RGS5: variants seen among roughly 807,000 people sequenced by gnomAD.
The protein encoded by RGS5 is regulator of G protein signaling 5.
RGS5 carries 20 observed loss-of-function variants against 18.9 expected under a neutral mutation model. That is an observed-to-expected ratio of 1.06 (90% CI 0.74 to 1.54). RGS5 has a LOEUF of 1.54. Among genes scored for constraint, RGS5 ranks in the 40% most tolerant of loss-of-function variants. RGS5 has a pLI of 0.00. For missense variants in RGS5, 201 were observed against 211.8 expected, an observed-to-expected ratio of 0.95 and a Z score of 0.32; for synonymous variants, 57 against 76.2, an observed-to-expected ratio of 0.75 and a Z score of 1.31.
At chr1:163,233,657 T>G (rs1007552426) in intron 2 of RGS5, among the ~76,000 whole-genome samples, 9 of 152,248 alleles carry the variant, frequency 5.9e-5, no homozygotes, top group African/African-American at 2.2e-4. Flanking sequence ...TTAGTTCTTA[T>G]AGGTTTGGGA....
chr1:163,210,675 A>G (rs1660083445), intron 1 of RGS5: 1 of 152,266 alleles, frequency 6.6e-6, no homozygotes, highest in South Asian at 2.1e-4. Context: ...AAAAGTGTTT[A>G]TAACAGTGCC....
intron 2 of RGS5, among the ~76,000 whole-genome samples, chr1:163,287,245 A>C (rs147764157): frequency 2.2e-4 from 33 of 152,242 alleles, no homozygotes; most frequent in Middle Eastern, 3.4e-3. Context: ...CAGTTTCTCT[A>C]TGTAGAATGC....
chr1:163,290,042 C>T (rs1192811077), intron 2 of RGS5, among the ~76,000 whole-genome samples: 1 of 150,970 alleles, frequency 6.6e-6, no homozygotes, highest in Admixed American at 6.6e-5. Context: ...AAGCAGGCAA[C>T]ATGAGACCCC....
intron 1 of RGS5, among the ~76,000 whole-genome samples, chr1:163,313,686 C>A (rs1484711622): frequency 6.6e-6 from 1 of 152,168 alleles, no homozygotes; most frequent in Non-Finnish European, 1.5e-5. Context: ...AACTGAGGAA[C>A]CCTTCATAGG....
At chr1:163,294,081 G>C (rs949443857) in intron 2 of RGS5, among the ~76,000 whole-genome samples, 1 of 152,334 alleles carries the variant, frequency 6.6e-6, no homozygotes, top group East Asian at 1.9e-4. Context: ...TACAGGGCAA[G>C]ATGTCAGTGG....
chr1:163,249,848 G>T (rs1648060513), intron 2 of RGS5, among the ~76,000 whole-genome samples: 1 of 152,116 alleles, frequency 6.6e-6, no homozygotes, highest in Non-Finnish European at 1.5e-5. Context: ...TGGGGAAGAT[G>T]GTAATTGCAA....
chr1:163,258,512 TAA>T (rs1648337759), intron 2 of RGS5, among the ~76,000 whole-genome samples: 1 of 152,340 alleles, frequency 6.6e-6, no homozygotes, highest in African/African-American at 2.4e-5. Context: ...AAAAATCTGC[TAA>T]AAAGTTTCTC....
At chr1:163,222,817 T>A (rs907527518) in intron 2 of RGS5, among the ~76,000 whole-genome samples, 1 of 152,104 alleles carries the variant, frequency 6.6e-6, no homozygotes, top group African/African-American at 2.4e-5. Context: ...TTTCCTGTTA[T>A]GTAAAGCAAA....
chr1:163,228,875 C>T (rs1192068610), intron 2 of RGS5, among the ~76,000 whole-genome samples: 11 of 152,198 alleles, frequency 7.2e-5, no homozygotes, highest in East Asian at 1.9e-4. Flanking sequence ...CCTTTGCCCC[C>T]GTTCCCAAGA....
chr1:163,252,723 G>C (rs1269855878), intron 2 of RGS5, among the ~76,000 whole-genome samples: 2 of 152,022 alleles, frequency 1.3e-5, no homozygotes, highest in East Asian at 1.9e-4. Context: ...GGGCTTTCTG[G>C]GGACAAATGT....
At chr1:163,321,042 C>G (rs1416941383) in intron 1 of RGS5, among the ~76,000 whole-genome samples, 1 of 152,156 alleles carries the variant, frequency 6.6e-6, no homozygotes, top group Non-Finnish European at 1.5e-5. Context: ...ACCAGGCCTG[C>G]CATGGCTTCC....
intron 1 of RGS5, among the ~76,000 whole-genome samples, chr1:163,176,641 A>G (rs944704507): frequency 6.6e-6 from 1 of 151,856 alleles, no homozygotes; most frequent in Non-Finnish European, 1.5e-5. Flanking sequence ...AAAGAAAAGA[A>G]AAAAAGAAAA....
At chr1:163,293,008 G>A (rs1412836302) in intron 2 of RGS5, among the ~76,000 whole-genome samples, 1 of 149,252 alleles carries the variant, frequency 6.7e-6, no homozygotes, top group African/African-American at 2.4e-5. Context: ...CTGTGCAGAA[G>A]CTCTTTAGTT....
At chr1:163,195,089 T>C (rs1370011849) in intron 1 of RGS5, among the ~76,000 whole-genome samples, 1 of 152,150 alleles carries the variant, frequency 6.6e-6, no homozygotes, top group Non-Finnish European at 1.5e-5. Context: ...CAATCCAGTG[T>C]CTGCCCAAAG....
At chr1:163,285,448 G>A (rs1040210502) in intron 2 of RGS5, among the ~76,000 whole-genome samples, 6 of 151,966 alleles carry the variant, frequency 3.9e-5, no homozygotes, top group African/African-American at 7.3e-5. Flanking sequence ...CCAGCTACTC[G>A]GGAGGCTGAG....
chr1:163,147,633 T>A, intron 4 of RGS5, 130 bp from the exon 5 acceptor site: 1 of 809,242 alleles, frequency 1.2e-6, no homozygotes, highest in Non-Finnish European at 1.8e-6. Context: ...CTGAGACATG[T>A]CACTTCTCAC....
At chr1:163,266,239 C>G (rs1214781021) in intron 2 of RGS5, among the ~76,000 whole-genome samples, 1 of 152,156 alleles carries the variant, frequency 6.6e-6, no homozygotes, top group East Asian at 1.9e-4. Flanking sequence ...CTTATCCCCT[C>G]TCACATTCAC....
chr1:163,250,426 G>C lies in RGS5; in HGVS notation c.-281+55807C>G, dbSNP rs577741215. 3.3e-5 allele frequency among the ~76,000 whole-genome samples: 5 copies of C among 152,316 alleles called. No homozygotes were observed. In the South Asian group the frequency reaches 1.0e-3, roughly 32 times the overall value. ...TTCCCACAGCAAAATTATGAGACGT[G>C]AAGGTGATGTGGTGATTATGGCATT... On this transcript the variant is annotated intron_variant, in intron 2 of 5. Transcript: ENST00000618415.
At chr1:163,234,278 A>G (rs1222578306) in intron 2 of RGS5, among the ~76,000 whole-genome samples, 1 of 152,056 alleles carries the variant, frequency 6.6e-6, no homozygotes, top group East Asian at 1.9e-4. Flanking sequence ...TGGGCACTGG[A>G]TTTTCAAATT....
Sources: allele counts gnomAD v4.1 joint callset (sites outside exome capture counted in the v4.1 genomes callset), GRCh38; gene constraint gnomAD v4.1.1; transcripts MANE v1.5; gene names NCBI Gene and HGNC (gene_info 2026-07-23, HGNC 2026-07-21).